Variants in LOX observed in about 807,000 individuals in gnomAD.
LOX encodes the protein lysyl oxidase.
LOX carries 12 observed loss-of-function variants against 50.5 expected under a neutral mutation model. The observed-to-expected ratio is 0.24, with a 90% CI of 0.15 to 0.38. LOX has a LOEUF of 0.38. Among genes scored for constraint, LOX ranks in the 10% least tolerant of loss-of-function variants. The pLI, the probability that LOX is intolerant of heterozygous loss-of-function variation, is 1.00. For missense variants in LOX, 504 were observed against 563.8 expected, an observed-to-expected ratio of 0.89 and a Z score of 1.07; for synonymous variants, 254 against 230.6, an observed-to-expected ratio of 1.10 and a Z score of -0.92.
In LOX at chr5:122,076,939, A is replaced by C. The variant is rs1244368125; in HGVS notation, c.694T>G (p.Ser232Ala). Reference protein sequence around the residue: ...IQASTYVQKMSMYNLRCAAEE... With the variant: ...IQASTYVQKMAMYNLRCAAEE... ...GCCGCGCATCTCAGGTTGTACATGG[A>C]CATCTTCTGCACGTACGTGGACGCC... The change falls in exon 2 of 7, where the codon TCC becomes GCC. Residue 232 changes from serine to alanine, a missense_variant. Around this residue, in one of 2 missense-constraint regions of LOX, gnomAD observed 398 missense variants for 365.8 expected, o/e 1.09. Coordinates refer to ENST00000231004, the MANE Select transcript of LOX (RefSeq NM_002317.7). 6.2e-7 allele frequency: 1 copy of C among 1,613,850 alleles called. No homozygotes were observed. The highest frequency in any genetic ancestry group is 1.7e-5 in the Admixed American group (1 of 59,984).
intron 6 of LOX, among the ~76,000 whole-genome samples, chr5:122,068,257 C>A (rs1754353916): frequency 6.7e-6 from 1 of 150,260 alleles, no homozygotes; most frequent in Admixed American, 6.6e-5. Context: ...ATTGCTGGAG[C>A]AATACAACAA....
chr5:122,073,228 A>G (rs551590098), intron 4 of LOX, among the ~76,000 whole-genome samples: 60 of 152,300 alleles, frequency 3.9e-4, no homozygotes, highest in Middle Eastern at 3.4e-3. Flanking sequence ...CCTTTTACAA[A>G]TTAGGGTTTC....
chr5:122,065,165 C>T lies in LOX; in HGVS notation c.*1578G>A, dbSNP rs769824661. 2.6e-5 allele frequency: 4 copies of T among 151,970 alleles called. No individual in the cohort carries two copies. The highest frequency in any genetic ancestry group is 3.2e-3 in the Middle Eastern group (1 of 316). The allele number at this position is 151,970 out of a possible 1,614,324, so 9.4% of individuals were successfully genotyped here. On this transcript the variant is annotated 3_prime_UTR_variant, in exon 7 of 7. Transcript: ENST00000231004. The stretch of plus-strand genomic sequence containing the variant: ...CCTGGTGGCTAAGGATCATATGTAC[C>T]GCTATATCCGCCAGTTGATGACTGT...
Position 122,074,245 on chromosome 5 carries a change from C to T in LOX, c.879-76G>A, listed in dbSNP as rs963786604. 3.2e-6 allele frequency: 4 copies of T among 1,258,536 alleles called. No homozygotes were observed. The African/African-American group carries it at 5.9e-5, about 19-fold the overall frequency. 78.0% of individuals were successfully genotyped at this position (1,258,536 alleles called of 1,614,324 possible). On this transcript the variant is annotated intron_variant, in intron 3 of 6. Transcript: ENST00000231004. ...CAATGAAGATATTAAATGACTTCCC[C>T]CATGGCTTCACAAATTTGTTTTCAC...
At chr5:122,070,960 T>C (rs1348430456) in intron 4 of LOX, among the ~76,000 whole-genome samples, 2 of 152,154 alleles carry the variant, frequency 1.3e-5, no homozygotes, top group African/African-American at 4.8e-5. Context: ...AGTGAAATCC[T>C]CCCCAGTTTC....
At chr5:122,073,944 GCTAA>G in intron 4 of LOX, 65 bp downstream of exon 4, 2 of 1,405,292 alleles carry the variant, frequency 1.4e-6, no homozygotes. Context: ...GCTATTTAAT[GCTAA>G]CTAACGGTAG....
Position 122,078,157 on chromosome 5 carries a change from A to T in LOX, c.-172T>A, listed in dbSNP as rs975039040. Reference sequence around the variant, plus strand: ...AAGGGTGGGATTCAGACCCTTCCCCAGTCAAGGCGGCTGCTCGGACGTGGC... The same window carrying T: ...AAGGGTGGGATTCAGACCCTTCCCCTGTCAAGGCGGCTGCTCGGACGTGGC... On this transcript the variant is annotated 5_prime_UTR_variant, in exon 1 of 7. Coordinates refer to ENST00000231004, the MANE Select transcript of LOX (RefSeq NM_002317.7). The T allele has an allele frequency of 7.4e-6, 4 of 540,612 alleles. No homozygotes were observed. In the African/African-American group the frequency reaches 8.0e-5, roughly 11 times the overall value. The allele number at this position is 540,612 out of a possible 1,614,324, so 33.5% of individuals were successfully genotyped here. A position where few individuals can be genotyped will look rare whatever the true frequency, so the allele number is the denominator to read the frequency against.
rs988551386 is a variant in LOX, at chr5:122,064,575, T to A, written c.*2168A>T. On this transcript the variant is annotated 3_prime_UTR_variant, in exon 7 of 7. Transcript: ENST00000231004. ...ATATAATTAACCTTTAATTTATTTT[T>A]AAAAATAAATTATGGTCATGAAAAA... The A allele has an allele frequency of 6.6e-6, 1 of 152,022 alleles. No individual in the cohort carries two copies. Among genetic ancestry groups the A allele is most frequent in the African/African-American group, 2.4e-5 (1 of 41,422 alleles). The allele number at this position is 152,022 out of a possible 1,614,324, so 9.4% of individuals were successfully genotyped here.
chr5:122,070,442 G>A (rs1159961614), intron 5 of LOX, 52 bp downstream of exon 5: 1 of 941,130 alleles, frequency 1.1e-6, no homozygotes, highest in Non-Finnish European at 1.7e-6. Context: ...CCAGAGAAGA[G>A]GGCCTATTGA....
At position 122,064,039 on chromosome 5, in the gene LOX, A is replaced by G. The variant is rs1415412120; in HGVS notation, c.*2704T>C. The G allele has an allele frequency of 6.6e-6, 1 of 152,068 alleles. No homozygotes were observed. The highest frequency in any genetic ancestry group is 2.4e-5 in the African/African-American group (1 of 41,550). The allele number at this position is 152,068 out of a possible 1,614,324, so 9.4% of individuals were successfully genotyped here. On this transcript the variant is annotated 3_prime_UTR_variant, in exon 7 of 7. Coordinates refer to ENST00000231004, the MANE Select transcript of LOX (RefSeq NM_002317.7). The stretch of plus-strand genomic sequence containing the variant: ...ATCTTTAACCCAGACTGTGGTCTGA[A>G]TCATCATGAGATCGCTAATATGGCA...
chr5:122,075,623 T>C, intron 2 of LOX, 82 bp from the exon 3 acceptor site: 1 of 896,392 alleles, frequency 1.1e-6, no homozygotes, highest in African/African-American at 1.7e-5. Flanking sequence ...ATCCATTATA[T>C]AGTAGTGACA....
Position 122,065,114 on chromosome 5 carries a change from T to G in LOX, c.*1629A>C, listed in dbSNP as rs1417905003. The G allele has an allele frequency of 6.6e-6, 1 of 152,102 alleles. No individual in the cohort carries two copies. The highest frequency in any genetic ancestry group is 1.5e-5 in the Non-Finnish European group (1 of 67,986). The allele number at this position is 152,102 out of a possible 1,614,324, so 9.4% of individuals were successfully genotyped here. ...GTTACAGCTCAACAAAAGCTCTGTC[T>G]GTATTGTCTACTGGTAAGCTTGTGC... is the stretch of plus-strand genomic sequence containing the variant. On this transcript the variant is annotated 3_prime_UTR_variant, in exon 7 of 7. Transcript: ENST00000231004.
At position 122,066,589 on chromosome 5, in the gene LOX, T is replaced by C. The variant is rs17352251; in HGVS notation, c.*154A>G. On this transcript the variant is annotated 3_prime_UTR_variant, in exon 7 of 7. Transcript: ENST00000231004. ...GACTTAAGCGTTCAAAATCCAGTTATGTGCTTTGTTATTGAAAACAGTCCA... is the reference window on the plus strand; with the variant it reads ...GACTTAAGCGTTCAAAATCCAGTTACGTGCTTTGTTATTGAAAACAGTCCA... 18,750 of 570,426 alleles carry C rather than the reference T, an allele frequency of 0.033. 413 individuals are homozygous for C. Among genetic ancestry groups the C allele is most frequent in the Non-Finnish European group, 0.041 (12,864 of 312,408 alleles). 35.3% of individuals were successfully genotyped at this position (570,426 alleles called of 1,614,324 possible). A position where few individuals can be genotyped will look rare whatever the true frequency, so the allele number is the denominator to read the frequency against.
In LOX at chr5:122,077,103, C is replaced by G; in HGVS notation, c.632-102G>C. The G allele has an allele frequency of 1.3e-6, 2 of 1,523,432 alleles. No individual in the cohort carries two copies. The highest frequency in any genetic ancestry group is 1.8e-6 in the Non-Finnish European group (2 of 1,139,722). 94.4% of individuals were successfully genotyped at this position (1,523,432 alleles called of 1,614,324 possible). ...CCCTTACTCCTCACCCTTCGCCCACCGGGACTGCAGAGTGGAGCGGAGGAC... is the reference window on the plus strand; with the variant it reads ...CCCTTACTCCTCACCCTTCGCCCACGGGGACTGCAGAGTGGAGCGGAGGAC... On this transcript the variant is annotated intron_variant, in intron 1 of 6. Transcript: ENST00000231004. This position sits in a 1 kb window ranked among gnomAD's most constrained non-coding sequence, Gnocchi z 4.9.
chr5:122,068,782 G>C (rs907559067), intron 6 of LOX, among the ~76,000 whole-genome samples: 1 of 151,540 alleles, frequency 6.6e-6, no homozygotes, highest in Non-Finnish European at 1.5e-5. Context: ...TCTAGCTCAG[G>C]GCATCAACAA....
In LOX at chr5:122,077,895, G is replaced by A. The variant is rs1307475150; in HGVS notation, c.91C>T (p.Pro31Ser). ...GGAGCCGCCGGCGGCTCGCGCGGGG[G>A]CTGCTGTTGGCCGGCGGCGGGAGGG... Reference protein sequence around the residue: ...CAPPAAGQQQPPREPPAAPGA... With the variant: ...CAPPAAGQQQSPREPPAAPGA... Residue 31 changes from proline (P) to serine (S), a missense_variant, in exon 1 of 7, where the codon CCC becomes TCC. By Grantham distance (74) the Pro-to-Ser change is moderately conservative (BLOSUM62 -1). Around this residue, in one of 2 missense-constraint regions of LOX, gnomAD observed 398 missense variants for 365.8 expected, o/e 1.09. Transcript: ENST00000231004. This position sits in a 1 kb window ranked among gnomAD's most constrained non-coding sequence, Gnocchi z 4.9. 2.6e-6 allele frequency: 4 copies of A among 1,521,778 alleles called. No individual in the cohort carries two copies. Among genetic ancestry groups the A allele is most frequent in the East Asian group, 2.5e-5 (1 of 39,564 alleles). The allele number at this position is 1,521,778 out of a possible 1,614,324, so 94.3% of individuals were successfully genotyped here. A position where few individuals can be genotyped will look rare whatever the true frequency, so the allele number is the denominator to read the frequency against.
rs116017555 is a variant in LOX at position 122,069,477 on chromosome 5, A to G, written c.1247+576T>C. On this transcript the variant is annotated intron_variant, in intron 6 of 6. Coordinates refer to ENST00000231004, the MANE Select transcript of LOX (RefSeq NM_002317.7). Reference sequence around the variant, plus strand: ...TCCCTGTGAATAGATATCTTCCAGTATTTCATTCTAAGAAGAGTCTCAGGA... The same window carrying G: ...TCCCTGTGAATAGATATCTTCCAGTGTTTCATTCTAAGAAGAGTCTCAGGA... Among the ~76,000 whole-genome samples, 721 of 152,232 alleles carry G rather than the reference A, an allele frequency of 4.7e-3. 9 individuals are homozygous for G. The highest frequency in any genetic ancestry group is 0.017 in the African/African-American group (687 of 41,534).
At position 122,070,499 on chromosome 5, in the gene LOX, G is replaced by C. The variant is rs776302936; in HGVS notation, c.1126C>G (p.Leu376Val). Residue 376 changes from leucine to valine, a missense_variant, in exon 5 of 7, where the codon CTA becomes GTA. Around this residue, in one of 2 missense-constraint regions of LOX, gnomAD observed 106 missense variants for 198.1 expected, o/e 0.54. Coordinates refer to ENST00000231004, the MANE Select transcript of LOX (RefSeq NM_002317.7). ...ATATTTTCAAAGGTCTTTACCTTTAGGATATAGTTTCCAGGTTTTACATCT... is the reference window on the plus strand; with the variant it reads ...ATATTTTCAAAGGTCTTTACCTTTACGATATAGTTTCCAGGTTTTACATCT... ...ITDVKPGNYI[L>V]KVSVNPSYLV... is the part of the protein sequence containing the mutation. 6.4e-7 allele frequency: 1 copy of C among 1,573,964 alleles called. No homozygotes were observed. Among genetic ancestry groups the C allele is most frequent in the African/African-American group, 1.4e-5 (1 of 73,988 alleles).
chr5:122,071,359 G>T (rs1018685627), intron 4 of LOX, among the ~76,000 whole-genome samples: 4 of 152,020 alleles, frequency 2.6e-5, no homozygotes, highest in Non-Finnish European at 5.9e-5. Context: ...TTGAGTTTAG[G>T]TAATCAAGGT....
Sources: gnomAD v4.1 joint callset for allele counts (sites outside exome capture counted in the v4.1 genomes callset) on GRCh38, gnomAD v4.1.1 for gene constraint, gnomAD v4.1.1 regional missense constraint, Gnocchi (gnomAD v3.1) non-coding constraint, MANE v1.5 for transcripts, NCBI Gene and HGNC (gene_info 2026-07-23, HGNC 2026-07-21) for gene names.